The following WAPL variants were observed in gnomAD, a reference collection of about 807,000 sequenced individuals.
WAPL encodes wings apart-like protein homolog.
Under a neutral mutation model 121.0 loss-of-function variants are expected in WAPL, and 5 were observed. That is an observed-to-expected ratio of 0.04 (90% CI 0.02 to 0.09). The LOEUF (loss-of-function observed/expected upper bound fraction) is 0.09, where lower values mean the gene tolerates loss of function less well. Ranked by LOEUF, WAPL falls within the 10% of genes least tolerant of loss-of-function variation. The pLI is 1.00. For synonymous variants in WAPL, 480 were observed against 481.5 expected, an observed-to-expected ratio of 1.00 and a Z score of 0.04; for missense variants, 999 against 1,410.8, an observed-to-expected ratio of 0.71 and a Z score of 4.68.
chr10:86,458,365 T>C (rs985881911), intron 12 of WAPL, among the ~76,000 whole-genome samples: 7 of 152,236 alleles, frequency 4.6e-5, no homozygotes, highest in Middle Eastern at 3.4e-3. Flanking sequence ...ATTAGCCTAA[T>C]TGTGATGAAA....
At chr10:86,468,221 AGG>A (rs1199703555) in intron 8 of WAPL, among the ~76,000 whole-genome samples, 2 of 151,720 alleles carry the variant, frequency 1.3e-5, no homozygotes, top group African/African-American at 4.8e-5. Context: ...CTTTTGAGAC[AGG>A]GTTTCACTTT....
intron 2 of WAPL, among the ~76,000 whole-genome samples, chr10:86,516,927 A>G (rs978836295): frequency 5.9e-5 from 9 of 152,142 alleles, no homozygotes; most frequent in Middle Eastern, 3.2e-3. Flanking sequence ...TACTAAAAAT[A>G]CAAAAATTAG....
Position 86,497,707 on chromosome 10 carries a change from G to A in WAPL, c.1526-388C>T, listed in dbSNP as rs569172702. Among the ~76,000 whole-genome samples, 3 of 152,260 alleles carry A rather than the reference G, an allele frequency of 2.0e-5. No individual in the cohort carries two copies. In the East Asian group the frequency reaches 5.8e-4, roughly 29 times the overall value. On this transcript the variant is annotated intron_variant, in intron 3 of 18. Coordinates refer to ENST00000298767, the MANE Select transcript of WAPL (RefSeq NM_015045.5). ...CACAAAACATCATGCGTATCTACCT[G>A]TAACATTTTTCAGAACTTTAAATCC... is the stretch of plus-strand genomic sequence containing the variant.
intron 17 of WAPL, among the ~76,000 whole-genome samples, chr10:86,440,845 G>A (rs1402178328): frequency 7.2e-6 from 1 of 138,830 alleles, no homozygotes; most frequent in Non-Finnish European, 1.5e-5. Context: ...GGACAAGATG[G>A]ATTCAGAAAA....
intron 2 of WAPL, among the ~76,000 whole-genome samples, chr10:86,501,907 G>C (rs1842254854): frequency 6.6e-6 from 1 of 152,154 alleles, no homozygotes; most frequent in African/African-American, 2.4e-5. Context: ...GCCTAGGCTG[G>C]TCTTGAACTC....
At chr10:86,450,566 T>C (rs545289267) in intron 15 of WAPL, among the ~76,000 whole-genome samples, 1 of 152,292 alleles carries the variant, frequency 6.6e-6, no homozygotes, top group South Asian at 2.1e-4. Context: ...GAAAAATAAA[T>C]GTTGTCAATG....
chr10:86,515,613 T>C (rs2132234469), intron 2 of WAPL, among the ~76,000 whole-genome samples: 1 of 151,798 alleles, frequency 6.6e-6, no homozygotes, highest in Middle Eastern at 3.4e-3. Context: ...TGAAAACCTG[T>C]CCCTACAAAA....
rs746494141 is a variant in WAPL, at chr10:86,471,129, G to A, written c.2031-26C>T. 17 of 1,599,132 alleles carry A rather than the reference G, an allele frequency of 1.1e-5. No individual in the cohort carries two copies. In the Admixed American group the frequency reaches 1.5e-4, roughly 14 times the overall value. ...CTACAAGAAAATAGAGCAGGTTAGG[G>A]GGGCTGGAAACAGCTAGTACATTAG... On this transcript the variant is annotated intron_variant, in intron 7 of 18. Transcript: ENST00000298767.
rs1189383191 is a variant in WAPL at position 86,443,008 on chromosome 10, A to G, written c.3411+267T>C. On this transcript the variant is annotated intron_variant, in intron 17 of 18. Coordinates refer to ENST00000298767, the MANE Select transcript of WAPL (RefSeq NM_015045.5). ...CAGTGAGCCGAGATTGCGCCACTGCACTCCAGCCTGGGTGACAGAACGAGA... is the reference window on the plus strand; with the variant it reads ...CAGTGAGCCGAGATTGCGCCACTGCGCTCCAGCCTGGGTGACAGAACGAGA... Among the ~76,000 whole-genome samples the G allele has an allele frequency of 2.8e-5, 4 of 143,772 alleles. No individual in the cohort carries two copies. In the East Asian group the frequency reaches 8.3e-4, roughly 30 times the overall value. 94.3% of individuals were successfully genotyped at this position (143,772 alleles called of 152,430 possible).
chr10:86,497,108 T>C (rs1842164360), intron 4 of WAPL, 93 bp downstream of exon 4: 3 of 1,010,702 alleles, frequency 3.0e-6, no homozygotes, highest in South Asian at 3.0e-5. Flanking sequence ...ACAGTTGCTA[T>C]GATGTTTATT....
chr10:86,490,602 T>C (rs1160524378), intron 4 of WAPL, among the ~76,000 whole-genome samples: 2 of 152,200 alleles, frequency 1.3e-5, no homozygotes, highest in Non-Finnish European at 2.9e-5. Context: ...CAACAAATTT[T>C]AACACAGTAC....
intron 4 of WAPL, among the ~76,000 whole-genome samples, chr10:86,476,731 TATTA>T (rs1167952803): frequency 2.6e-5 from 4 of 151,574 alleles, no homozygotes; most frequent in South Asian, 4.2e-4. Context: ...TAAATGTTAT[TATTA>T]ATTGTTATGT....
chr10:86,438,438 G>C (rs1243457331), intron 17 of WAPL, among the ~76,000 whole-genome samples: 1 of 152,194 alleles, frequency 6.6e-6, no homozygotes, highest in Non-Finnish European at 1.5e-5. Context: ...ATTTTTAGCA[G>C]AGACGTGGTT....
At position 86,507,979 on chromosome 10, in the gene WAPL, G is replaced by A. The variant is rs1242861678; in HGVS notation, c.500-7236C>T. Among the ~76,000 whole-genome samples, 6 of 152,142 alleles carry A rather than the reference G, an allele frequency of 3.9e-5. No individual in the cohort carries two copies. The South Asian group carries it at 1.0e-3, about 26-fold the overall frequency. On this transcript the variant is annotated intron_variant, in intron 2 of 18. Coordinates refer to ENST00000298767, the MANE Select transcript of WAPL (RefSeq NM_015045.5). Reference sequence around the variant, plus strand: ...GCTGACTGACAAAATGTCTATTGAGGACAATTCTAATAATCTTATCCAATA... The same window carrying A: ...GCTGACTGACAAAATGTCTATTGAGAACAATTCTAATAATCTTATCCAATA...
intron 15 of WAPL, among the ~76,000 whole-genome samples, chr10:86,448,410 C>T (rs940590851): frequency 6.6e-6 from 1 of 152,094 alleles, no homozygotes; most frequent in African/African-American, 2.4e-5. Flanking sequence ...GTGACTGGAC[C>T]ACTGTACTTC....
chr10:86,441,985 C>T (rs981764925), intron 17 of WAPL, among the ~76,000 whole-genome samples: 137 of 152,218 alleles, frequency 9.0e-4, no homozygotes, highest in African/African-American at 3.2e-3. Flanking sequence ...TTTACTCCAA[C>T]CAAAGGCATG....
chr10:86,475,792 G>C (rs1335723709), intron 4 of WAPL, among the ~76,000 whole-genome samples: 1 of 152,202 alleles, frequency 6.6e-6, no homozygotes, highest in African/African-American at 2.4e-5. Flanking sequence ...ACTACCTTTA[G>C]TACCTCAAGC....
intron 7 of WAPL, among the ~76,000 whole-genome samples, chr10:86,471,629 ATTTAC>A (rs1354170561): frequency 6.6e-6 from 1 of 151,932 alleles, no homozygotes; most frequent in Non-Finnish European, 1.5e-5. Flanking sequence ...TTTTTTAATT[ATTTAC>A]TTTATTTCTT....
intron 8 of WAPL, among the ~76,000 whole-genome samples, chr10:86,467,723 C>G (rs547650337): frequency 6.7e-6 from 1 of 149,964 alleles, no homozygotes; most frequent in South Asian, 2.1e-4. Flanking sequence ...GTCGCCCAGG[C>G]TGGAGTGCAG....
Sources: allele counts gnomAD v4.1 joint callset (sites outside exome capture counted in the v4.1 genomes callset), GRCh38; gene constraint gnomAD v4.1.1; transcripts MANE v1.5; gene names NCBI Gene and HGNC (gene_info 2026-07-23, HGNC 2026-07-21).